Variants in ARHGAP24 observed in about 807,000 individuals in gnomAD.
ARHGAP24 encodes Rho GTPase activating protein 24, also known as rho GTPase-activating protein 24.
Under a neutral mutation model 76.4 loss-of-function variants are expected in ARHGAP24, and 50 were observed. That is an observed-to-expected ratio of 0.65 (90% CI 0.52 to 0.83). The LOEUF (loss-of-function observed/expected upper bound fraction) is 0.83. Ranked by LOEUF, ARHGAP24 falls within the 40% of genes least tolerant of loss-of-function variation. The pLI, the probability that ARHGAP24 is intolerant of heterozygous loss-of-function variation, is 0.00. For missense variants in ARHGAP24, 930 were observed against 914.2 expected, an observed-to-expected ratio of 1.02 and a Z score of -0.22; for synonymous variants, 345 against 323.3, an observed-to-expected ratio of 1.07 and a Z score of -0.72.
chr4:85,498,110 C>T (rs1435133841), intron 1 of ARHGAP24, among the ~76,000 whole-genome samples: 1 of 152,098 alleles, frequency 6.6e-6, no homozygotes, highest in Non-Finnish European at 1.5e-5. Context: ...TCTTTGGTAA[C>T]AAGAACAAGG....
At chr4:85,746,753 T>C (rs1199457971) in intron 3 of ARHGAP24, among the ~76,000 whole-genome samples, 1 of 152,044 alleles carries the variant, frequency 6.6e-6, no homozygotes, top group Admixed American at 6.6e-5. Context: ...CAGGTTCAAG[T>C]GATTCTTCTT....
At chr4:85,820,450 CAAA>C (rs1438787511) in intron 3 of ARHGAP24, among the ~76,000 whole-genome samples, 1 of 151,840 alleles carries the variant, frequency 6.6e-6, no homozygotes. Flanking sequence ...CATATGGACA[CAAA>C]GAAGGGAACA....
intron 2 of ARHGAP24, among the ~76,000 whole-genome samples, chr4:85,689,181 A>T (rs1358040075): frequency 2.0e-5 from 3 of 152,144 alleles, no homozygotes; most frequent in African/African-American, 7.2e-5. Context: ...ATCCATCAGC[A>T]TGGTTTATTC....
At chr4:85,714,422 A>T (rs921016978) in intron 2 of ARHGAP24, among the ~76,000 whole-genome samples, 2 of 152,086 alleles carry the variant, frequency 1.3e-5, no homozygotes, top group African/African-American at 4.8e-5. Context: ...CAGAATGATA[A>T]TGCTTCTCAA....
At chr4:85,814,461 G>T (rs921625372) in intron 3 of ARHGAP24, among the ~76,000 whole-genome samples, 2 of 152,168 alleles carry the variant, frequency 1.3e-5, no homozygotes, top group East Asian at 3.8e-4. Flanking sequence ...GATCCAAGTG[G>T]AAGGAATTGG....
At chr4:85,625,030 A>G (rs922497081) in intron 2 of ARHGAP24, among the ~76,000 whole-genome samples, 7 of 151,992 alleles carry the variant, frequency 4.6e-5, no homozygotes, top group Admixed American at 3.9e-4. Flanking sequence ...CCAGCTCCTG[A>G]ATTCATTAAT....
At chr4:85,848,636 A>G (rs1204188263) in intron 3 of ARHGAP24, among the ~76,000 whole-genome samples, 1 of 152,226 alleles carries the variant, frequency 6.6e-6, no homozygotes, top group African/African-American at 2.4e-5. Flanking sequence ...GGTGCAAGGA[A>G]GAGATCCGGT....
chr4:85,590,987 T>C (rs1728071268), intron 2 of ARHGAP24, among the ~76,000 whole-genome samples: 1 of 151,206 alleles, frequency 6.6e-6, no homozygotes, highest in Admixed American at 6.6e-5. Context: ...AAAAATTATT[T>C]ATAATGCCTT....
At chr4:85,691,427 A>G (rs1289221807) in intron 2 of ARHGAP24, among the ~76,000 whole-genome samples, 1 of 152,146 alleles carries the variant, frequency 6.6e-6, no homozygotes, top group Non-Finnish European at 1.5e-5. Flanking sequence ...TCAATGATCT[A>G]TCTAATGATA....
intron 2 of ARHGAP24, among the ~76,000 whole-genome samples, chr4:85,645,136 T>C (rs2109974570): frequency 6.6e-6 from 1 of 152,254 alleles, no homozygotes; most frequent in East Asian, 1.9e-4. Flanking sequence ...TTGTTTACTT[T>C]GAGTTTGTAG....
chr4:85,633,909 T>A (rs1198445149), intron 2 of ARHGAP24, among the ~76,000 whole-genome samples: 2 of 151,830 alleles, frequency 1.3e-5, no homozygotes, highest in Non-Finnish European at 3.0e-5. Flanking sequence ...TCCCAGTAAA[T>A]TTTTCTTTGA....
intron 2 of ARHGAP24, among the ~76,000 whole-genome samples, chr4:85,684,529 C>T (rs1723349029): frequency 6.6e-6 from 1 of 152,158 alleles, no homozygotes; most frequent in African/African-American, 2.4e-5. Context: ...GCTTCCTGTG[C>T]TGTAGAAGAT....
intron 3 of ARHGAP24, among the ~76,000 whole-genome samples, chr4:85,851,009 A>T (rs1454556764): frequency 6.6e-6 from 1 of 151,882 alleles, no homozygotes; most frequent in Non-Finnish European, 1.5e-5. Context: ...ATCCTTGTTA[A>T]CCTTCTGTCT....
rs748121878 is a variant in ARHGAP24, at chr4:85,977,659, C to T, written c.896C>T (p.Pro299Leu). Reference protein sequence around the residue: ...ATVFGPNILRPKVEDPLTIME... With the variant: ...ATVFGPNILRLKVEDPLTIME... ...GTCTTTGGTCCTAATATCCTGCGCC[C>T]CAAAGTGGAAGATCCTTTGACTATC... Residue 299 changes from proline (P) to leucine (L), a missense_variant, in exon 8 of 10, where the codon CCC (proline) becomes CTC (leucine). Coordinates refer to ENST00000395184, the MANE Select transcript of ARHGAP24 (RefSeq NM_001025616.3). 1 of 1,613,794 alleles carries T rather than the reference C, an allele frequency of 6.2e-7. No individual in the cohort carries two copies. Among genetic ancestry groups the T allele is most frequent in the Non-Finnish European group, 8.5e-7 (1 of 1,179,802 alleles).
At chr4:85,588,331 G>A (rs1727946117) in intron 2 of ARHGAP24, among the ~76,000 whole-genome samples, 1 of 152,116 alleles carries the variant, frequency 6.6e-6, no homozygotes, top group Non-Finnish European at 1.5e-5. Flanking sequence ...TTCATTTGTT[G>A]TTTTAAGAGA....
chr4:85,604,973 G>A (rs1215715987), intron 2 of ARHGAP24, among the ~76,000 whole-genome samples: 5 of 152,172 alleles, frequency 3.3e-5, no homozygotes, highest in African/African-American at 1.2e-4. Context: ...CAAAGTGCTG[G>A]GATTACAGGC....
At chr4:85,813,108 G>T (rs575595124) in intron 3 of ARHGAP24, among the ~76,000 whole-genome samples, 2 of 152,206 alleles carry the variant, frequency 1.3e-5, no homozygotes, top group South Asian at 4.1e-4. Flanking sequence ...GAAGTACCTC[G>T]TTCCAAGATG....
intron 3 of ARHGAP24, chr4:85,722,549 A>G (rs1351014022): frequency 1.3e-5 from 2 of 156,584 alleles, no homozygotes; most frequent in East Asian, 3.8e-4. Flanking sequence ...CAAGACATCA[A>G]ATCCCTCAGT....
chr4:85,962,172 C>T (rs191056583), intron 5 of ARHGAP24, among the ~76,000 whole-genome samples: 33 of 151,984 alleles, frequency 2.2e-4, no homozygotes, highest in Non-Finnish European at 3.1e-4. Flanking sequence ...AAGTCTCAGG[C>T]GTACATTAAT....
Sources: allele counts gnomAD v4.1 joint callset (sites outside exome capture counted in the v4.1 genomes callset), GRCh38; gene constraint gnomAD v4.1.1; transcripts MANE v1.5; gene names NCBI Gene and HGNC (gene_info 2026-07-23, HGNC 2026-07-21).